RAB5C: variants seen among roughly 807,000 people sequenced by gnomAD.
RAB5C encodes RAB5C, member RAS oncogene family.
In RAB5C, 4 loss-of-function variants were observed where a neutral mutation model predicts 25.2. The ratio of observed to expected loss-of-function variants is 0.16; its 90% confidence interval spans 0.08 to 0.36. The LOEUF (loss-of-function observed/expected upper bound fraction) is 0.36. RAB5C is among the 10% of genes least tolerant of loss of function. The probability of loss-of-function intolerance (pLI) is 1.00; values close to 1 mark genes in which losing one functional copy is unlikely to be tolerated. For missense variants in RAB5C, 199 were observed against 283.8 expected (o/e 0.70, Z 2.15); for synonymous variants, 100 against 106.4 (o/e 0.94, Z 0.37).
Position 42,125,748 on chromosome 17 carries a change from G to T in RAB5C, c.*35C>A. On this transcript the variant is annotated 3_prime_UTR_variant, in exon 6 of 6. Transcript: ENST00000346213. ...TGGATTCCAGTCGGGTCATTCAGGC[G>T]GAGGAGGCGGGGGCAGCGGGCAGGC... 6.8e-7 allele frequency: 1 copy of T among 1,466,022 alleles called. No homozygotes were observed. 90.8% of individuals were successfully genotyped at this position (1,466,022 alleles called of 1,614,324 possible).
intron 1 of RAB5C, among the ~76,000 whole-genome samples, chr17:42,136,652 T>G (rs973995177): frequency 1.3e-5 from 2 of 152,134 alleles, no homozygotes; most frequent in African/African-American, 4.8e-5. Flanking sequence ...AGGCTGAAGG[T>G]GAGCTTTCAA....
chr17:42,145,971 T>A lies in RAB5C; in HGVS notation c.-89+8922A>T, dbSNP rs139227141. ...ACAGGTGCGTACCACCATGCCTGGC[T>A]AATTTTTGTATTTTTAATAGAGATG... On this transcript the variant is annotated intron_variant, in intron 1 of 5. Coordinates refer to ENST00000346213, the MANE Select transcript of RAB5C (RefSeq NM_004583.4). Among the ~76,000 whole-genome samples the A allele has an allele frequency of 2.8e-4, 43 of 152,196 alleles. No homozygotes were observed. In the East Asian group the frequency reaches 7.4e-3, roughly 26 times the overall value.
At chr17:42,138,109 G>A (rs1330076351) in intron 1 of RAB5C, among the ~76,000 whole-genome samples, 1 of 152,120 alleles carries the variant, frequency 6.6e-6, no homozygotes, top group East Asian at 1.9e-4. Context: ...AAGAGAAACT[G>A]ATATTTATGT....
At chr17:42,136,208 G>A (rs546252241) in intron 1 of RAB5C, 1 of 152,298 alleles carries the variant, frequency 6.6e-6, no homozygotes, top group African/African-American at 2.4e-5. Context: ...AAAGCCAACT[G>A]GAGTCAAGGT....
intron 1 of RAB5C, among the ~76,000 whole-genome samples, chr17:42,154,042 T>C (rs991896801): frequency 3.3e-5 from 5 of 152,094 alleles, no homozygotes; most frequent in Admixed American, 3.3e-4. Context: ...CTCCTCCCTA[T>C]AGACACACGG....
rs774625517 is a variant in RAB5C at position 42,130,546 on chromosome 17, C to T, written c.-44G>A. Reference sequence around the variant, plus strand: ...GGTCCAGAGAGCGTGCGGGTGGGGACTGGTGCTATGCAAAGAGGCACTTAG... The same window carrying T: ...GGTCCAGAGAGCGTGCGGGTGGGGATTGGTGCTATGCAAAGAGGCACTTAG... On this transcript the variant is annotated 5_prime_UTR_variant, in exon 2 of 6. Coordinates refer to ENST00000346213, the MANE Select transcript of RAB5C (RefSeq NM_004583.4). 2 of 1,609,682 alleles carry T rather than the reference C, an allele frequency of 1.2e-6. No individual in the cohort carries two copies. Among genetic ancestry groups the T allele is most frequent in the African/African-American group, 1.3e-5 (1 of 74,874 alleles).
chr17:42,135,980 C>CG (rs1239860803), intron 1 of RAB5C, among the ~76,000 whole-genome samples: 4 of 152,128 alleles, frequency 2.6e-5, no homozygotes, highest in African/African-American at 7.2e-5. Context: ...CAAGTGACCC[C>CG]GCCCAGGGTC....
chr17:42,142,148 G>A (rs1192130647), intron 1 of RAB5C, among the ~76,000 whole-genome samples: 4 of 143,316 alleles, frequency 2.8e-5, no homozygotes, highest in African/African-American at 8.3e-5. Flanking sequence ...CCCCAACCAT[G>A]CAAACCATAA....
Position 42,137,020 on chromosome 17 carries a change from T to C in RAB5C, c.-88-6430A>G, listed in dbSNP as rs149064966. ...TTTCTATCAAACTGAAAAAAGCACA[T>C]TGCCGCCGGGTGAGGTGGCTCATGC... is the stretch of plus-strand genomic sequence containing the variant. On this transcript the variant is annotated intron_variant, in intron 1 of 5. Coordinates refer to ENST00000346213, the MANE Select transcript of RAB5C (RefSeq NM_004583.4). Among the ~76,000 whole-genome samples the C allele has an allele frequency of 2.1e-4, 32 of 152,292 alleles. No individual in the cohort carries two copies. The East Asian group carries it at 4.6e-3, about 22-fold the overall frequency.
chr17:42,130,443 A>G lies in RAB5C; in HGVS notation c.60T>C (p.Cys20=). The G allele has an allele frequency of 8.1e-6, 13 of 1,614,120 alleles. No individual in the cohort carries two copies. The Middle Eastern group carries it at 1.5e-3, about 184-fold the overall frequency. Reference sequence around the variant, plus strand: ...CCCCCAGCAGAACCAGCTTAAATTGACAGATCTTGTTCCCAGCAGCTGGTC... The same window carrying G: ...CCCCCAGCAGAACCAGCTTAAATTGGCAGATCTTGTTCCCAGCAGCTGGTC... ...PNGPAAGNKI[C]QFKLVLLGES... is the part of the protein sequence containing the mutation. Residue 20 remains cysteine (C), a synonymous_variant, in exon 2 of 6, where the codon TGT becomes TGC. Coordinates refer to ENST00000346213, the MANE Select transcript of RAB5C (RefSeq NM_004583.4).
At chr17:42,153,396 G>A (rs1021607662) in intron 1 of RAB5C, among the ~76,000 whole-genome samples, 2 of 152,098 alleles carry the variant, frequency 1.3e-5, no homozygotes, top group Non-Finnish European at 2.9e-5. Context: ...CAGCCTGGGC[G>A]ACAGAGCAAG....
At position 42,140,212 on chromosome 17, in the gene RAB5C, C is replaced by T. The variant is rs9908937; in HGVS notation, c.-88-9622G>A. 2.0e-3 allele frequency among the ~76,000 whole-genome samples: 309 copies of T among 152,202 alleles called. 1 individual carries two copies. Among genetic ancestry groups the T allele is most frequent in the African/African-American group, 7.2e-3 (298 of 41,532 alleles). Reference sequence around the variant, plus strand: ...GCGGACACCTCTCCAAAACCCTTCCCGCCCTTACAAATAACAGAAAACAAA... The same window carrying T: ...GCGGACACCTCTCCAAAACCCTTCCTGCCCTTACAAATAACAGAAAACAAA... On this transcript the variant is annotated intron_variant, in intron 1 of 5. Coordinates refer to ENST00000346213, the MANE Select transcript of RAB5C (RefSeq NM_004583.4).
chr17:42,146,191 C>G (rs774459868), intron 1 of RAB5C, among the ~76,000 whole-genome samples: 1 of 152,030 alleles, frequency 6.6e-6, no homozygotes, highest in Non-Finnish European at 1.5e-5. Flanking sequence ...ACTGGCACAG[C>G]AAGAGGAGCC....
chr17:42,152,755 G>C (rs530203821), intron 1 of RAB5C, among the ~76,000 whole-genome samples: 1 of 151,562 alleles, frequency 6.6e-6, no homozygotes, highest in Non-Finnish European at 1.5e-5. Flanking sequence ...CTCCAGCCTG[G>C]GTGACAAAAC....
At chr17:42,133,235 T>C (rs985070843) in intron 1 of RAB5C, among the ~76,000 whole-genome samples, 1 of 152,116 alleles carries the variant, frequency 6.6e-6, no homozygotes, top group Non-Finnish European at 1.5e-5. Flanking sequence ...GGCTGAGCAA[T>C]GGTCTGTGGC....
At chr17:42,128,530 T>TGGGGGGGGGGGGGGG in intron 3 of RAB5C, 119 bp downstream of exon 3, 3 of 730,790 alleles carry the variant, frequency 4.1e-6, no homozygotes, top group Non-Finnish European at 6.2e-6. Flanking sequence ...ACAGGAAATC[T>TGGGGGGGGGGGGGGG]GCCCACCCCC....
intron 1 of RAB5C, among the ~76,000 whole-genome samples, chr17:42,152,577 G>A (rs555359236): frequency 2.0e-5 from 3 of 152,140 alleles, no homozygotes; most frequent in African/African-American, 4.8e-5. Context: ...TCAGGAGTTC[G>A]AGACCAGCCT....
Position 42,128,311 on chromosome 17 carries a change from G to A in RAB5C, c.391C>T (p.Leu131Phe), listed in dbSNP as rs147419987. ...GCCAGGTCTGCCTTGTTACCCGCGA[G>A]TGCAATGACGATGTTGGGGCTGGCC... ...RQASPNIVIA[L>F]AGNKADLASK... The change falls in exon 4 of 6, where the codon CTC (leucine) becomes TTC (phenylalanine). Residue 131 changes from leucine (L) to phenylalanine (F), a missense_variant. Leu to Phe is a conservative substitution (Grantham distance 22). Around this residue, in one of 3 missense-constraint regions of RAB5C, gnomAD observed 154 missense variants for 199.6 expected, o/e 0.77. Coordinates refer to ENST00000346213, the MANE Select transcript of RAB5C (RefSeq NM_004583.4). The A allele has an allele frequency of 6.2e-7, 1 of 1,614,128 alleles. No individual in the cohort carries two copies. The highest frequency in any genetic ancestry group is 8.5e-7 in the Non-Finnish European group (1 of 1,180,006).
At chr17:42,153,054 C>T (rs1330705281) in intron 1 of RAB5C, among the ~76,000 whole-genome samples, 3 of 152,208 alleles carry the variant, frequency 2.0e-5, no homozygotes, top group Admixed American at 6.5e-5. Flanking sequence ...GGAACCCACA[C>T]AGATACAGAG....
Sources: allele counts gnomAD v4.1 joint callset (sites outside exome capture counted in the v4.1 genomes callset), GRCh38; gene constraint gnomAD v4.1.1; regional missense constraint gnomAD v4.1.1; transcripts MANE v1.5; gene names NCBI Gene and HGNC (gene_info 2026-07-23, HGNC 2026-07-21).